Variants in CDC42SE2 observed in about 807,000 individuals in gnomAD.
CDC42SE2 encodes the protein CDC42 small effector protein 2.
In CDC42SE2, 3 loss-of-function variants were observed where a neutral mutation model predicts 11.5. That is an observed-to-expected ratio of 0.26 (90% CI 0.12 to 0.67). The LOEUF (loss-of-function observed/expected upper bound fraction) is 0.67, where lower values mean the gene tolerates loss of function less well. CDC42SE2 is among the 30% of genes least tolerant of loss of function. The pLI, the probability that CDC42SE2 is intolerant of heterozygous loss-of-function variation, is 0.80. For missense variants in CDC42SE2, 82 were observed against 106.8 expected (o/e 0.77, Z 1.02); for synonymous variants, 33 against 34.8 (o/e 0.95, Z 0.18).
chr5:131,308,737 C>G (rs1266701642), intron 1 of CDC42SE2, among the ~76,000 whole-genome samples: 1 of 148,328 alleles, frequency 6.7e-6, no homozygotes, highest in Non-Finnish European at 1.5e-5. Flanking sequence ...CATGATTTGG[C>G]TCTCTGTTTG....
chr5:131,339,020 G>A (rs1427809386), intron 2 of CDC42SE2, among the ~76,000 whole-genome samples: 2 of 151,966 alleles, frequency 1.3e-5, no homozygotes, highest in African/African-American at 4.8e-5. Flanking sequence ...GACCGAGGCG[G>A]GTGGATCATG....
At chr5:131,220,096 A>C in the CDC42SE2 span, among the ~76,000 whole-genome samples, 89 of 152,312 alleles carry the variant, frequency 5.8e-4, no homozygotes, top group Non-Finnish European at 1.0e-3. Flanking sequence ...CTGAATTTTT[A>C]TACATGTAGG....
At chr5:131,292,634 T>C (rs1448182225) in intron 1 of CDC42SE2, among the ~76,000 whole-genome samples, 2 of 142,308 alleles carry the variant, frequency 1.4e-5, no homozygotes, top group African/African-American at 5.2e-5. Flanking sequence ...TGTGGTGGCT[T>C]GTGCCTGTAA....
chr5:131,216,939 A>AAAAGAGCC, the CDC42SE2 span, among the ~76,000 whole-genome samples: 5 of 152,204 alleles, frequency 3.3e-5, no homozygotes, highest in African/African-American at 1.2e-4. Context: ...AGATACTTAA[A>AAAAGAGCC]AAAGAGCCAA....
chr5:131,298,699 A>T (rs1757622403), intron 1 of CDC42SE2, among the ~76,000 whole-genome samples: 1 of 151,978 alleles, frequency 6.6e-6, no homozygotes, highest in South Asian at 2.1e-4. Context: ...ACCCCATAAC[A>T]AGTTGGCTTC....
intron 2 of CDC42SE2, among the ~76,000 whole-genome samples, chr5:131,326,971 C>T (rs1758313300): frequency 6.6e-6 from 1 of 152,004 alleles, no homozygotes; most frequent in South Asian, 2.1e-4. Context: ...TTTGGTTTAT[C>T]CTTTCTTAAG....
the CDC42SE2 span, among the ~76,000 whole-genome samples, chr5:131,224,879 A>T: frequency 2.6e-5 from 4 of 151,846 alleles, no homozygotes; most frequent in South Asian, 8.3e-4. Flanking sequence ...GGACAAGCAG[A>T]AGCAGCATCT....
intron 2 of CDC42SE2, among the ~76,000 whole-genome samples, chr5:131,336,036 G>A (rs1265125729): frequency 4.6e-5 from 7 of 152,136 alleles, no homozygotes; most frequent in South Asian, 2.1e-4. Context: ...TATTTTGCTC[G>A]TTAGTTGATG....
intron 3 of CDC42SE2, among the ~76,000 whole-genome samples, chr5:131,379,538 T>G (rs944549606): frequency 6.6e-6 from 1 of 152,198 alleles, no homozygotes; most frequent in African/African-American, 2.4e-5. Context: ...AGCAAATCCT[T>G]TGAAATTAAC....
chr5:131,251,654 A>G (rs1756639052), intron 1 of CDC42SE2, among the ~76,000 whole-genome samples: 1 of 152,220 alleles, frequency 6.6e-6, no homozygotes, highest in African/African-American at 2.4e-5. Flanking sequence ...GTTGAATCCC[A>G]TATGTGTGCA....
chr5:131,295,000 A>C (rs1202534638), intron 1 of CDC42SE2, among the ~76,000 whole-genome samples: 1 of 151,978 alleles, frequency 6.6e-6, no homozygotes, highest in Non-Finnish European at 1.5e-5. Flanking sequence ...GATGGCATGC[A>C]CCTGTAGTCC....
chr5:131,287,921 A>G (rs1189933138), intron 1 of CDC42SE2, among the ~76,000 whole-genome samples: 1 of 151,742 alleles, frequency 6.6e-6, no homozygotes, highest in Non-Finnish European at 1.5e-5. Context: ...TTATTTGATT[A>G]TTTTACCTCC....
chr5:131,302,823 CT>C (rs201295430), intron 1 of CDC42SE2, among the ~76,000 whole-genome samples: 1,700 of 139,758 alleles, frequency 0.012, 11 homozygotes, highest in African/African-American at 0.026. Flanking sequence ...CCTCATGACT[CT>C]TTTTTTTTTT....
At chr5:131,276,032 T>A (rs1413332714) in intron 1 of CDC42SE2, among the ~76,000 whole-genome samples, 2 of 152,096 alleles carry the variant, frequency 1.3e-5, no homozygotes, top group Non-Finnish European at 2.9e-5. Context: ...TTACTGATAG[T>A]TGGGAAATGA....
Position 131,305,994 on chromosome 5 carries a change from C to T in CDC42SE2, c.-454-9982C>T, listed in dbSNP as rs76695199. ...TTGTGGATATCCAGTTTTCCTAGCA[C>T]CATTTACAGTAGTTTCACCTTATCT... On this transcript the variant is annotated intron_variant, in intron 1 of 4. Coordinates refer to ENST00000505065, the MANE Select transcript of CDC42SE2 (RefSeq NM_001375635.1). Among the ~76,000 whole-genome samples, 227 of 152,316 alleles carry T rather than the reference C, an allele frequency of 1.5e-3. 1 individual carries two copies. Among genetic ancestry groups the T allele is most frequent in the African/African-American group, 5.2e-3 (216 of 41,560 alleles).
chr5:131,261,989 C>A (rs1756730472), upstream of CDC42SE2, among the ~76,000 whole-genome samples: 1 of 149,838 alleles, frequency 6.7e-6, no homozygotes, highest in Admixed American at 6.7e-5. Context: ...GGTATTCAAT[C>A]ACGTAATGTT....
chr5:131,270,206 C>T (rs968907132), intron 1 of CDC42SE2, among the ~76,000 whole-genome samples: 39 of 152,116 alleles, frequency 2.6e-4, no homozygotes, highest in Middle Eastern at 3.4e-3. Flanking sequence ...AACCCCATCT[C>T]TACTAAAAGA....
chr5:131,306,083 A>G (rs913305635), intron 1 of CDC42SE2, among the ~76,000 whole-genome samples: 1 of 152,206 alleles, frequency 6.6e-6, no homozygotes, highest in Non-Finnish European at 1.5e-5. Flanking sequence ...TAGTGTATGG[A>G]AAATTCCACA....
intron 4 of CDC42SE2, among the ~76,000 whole-genome samples, chr5:131,386,135 A>G (rs1461414539): frequency 3.9e-5 from 6 of 152,202 alleles, no homozygotes; most frequent in African/African-American, 1.2e-4. Context: ...CCATGGGGGA[A>G]ATGGTTTTGG....
Sources: allele counts gnomAD v4.1 joint callset (sites outside exome capture counted in the v4.1 genomes callset), GRCh38; gene constraint gnomAD v4.1.1; transcripts MANE v1.5; gene names NCBI Gene and HGNC (gene_info 2026-07-23, HGNC 2026-07-21).